The following PRKAR1B variants were observed in gnomAD, a reference collection of about 807,000 sequenced individuals.
The protein encoded by PRKAR1B is protein kinase cAMP-dependent type I regulatory subunit beta, also known as cAMP-dependent protein kinase type I-beta regulatory subunit.
In PRKAR1B, 22 loss-of-function variants were observed where a neutral mutation model predicts 46.5. That is an observed-to-expected ratio of 0.47 (90% CI 0.34 to 0.68). The LOEUF (loss-of-function observed/expected upper bound fraction) is 0.68, where lower values mean the gene tolerates loss of function less well. PRKAR1B is among the 30% of genes least tolerant of loss of function. The pLI is 0.01. For missense variants in PRKAR1B, 445 were observed against 535.6 expected, an observed-to-expected ratio of 0.83 and a Z score of 1.67; for synonymous variants, 259 against 217.7, an observed-to-expected ratio of 1.19 and a Z score of -1.67.
chr7:591,143 G>C (rs78511725), intron 7 of PRKAR1B, among the ~76,000 whole-genome samples: 19,430 of 152,340 alleles, frequency 0.13, 1,521 homozygotes, highest in Non-Finnish European at 0.15. Flanking sequence ...CTCTCGCGGC[G>C]GGGTGACAGC....
chr7:551,502 A>T (rs753782847), intron 9 of PRKAR1B, 32 bp from the exon 10 acceptor site: 22 of 1,536,458 alleles, frequency 1.4e-5, no homozygotes, highest in Non-Finnish European at 4.4e-6. Context: ...CGTGAGTGCC[A>T]GCCAGGCGGG....
intron 9 of PRKAR1B, among the ~76,000 whole-genome samples, chr7:562,363 G>C (rs1049403639): frequency 4.3e-4 from 66 of 152,128 alleles, no homozygotes; most frequent in African/African-American, 1.5e-3. Flanking sequence ...TCCCAGTGAG[G>C]GCCCTGTCGC....
chr7:593,612 G>A lies in PRKAR1B; in HGVS notation c.708+2534C>T, dbSNP rs555691698. 4.4e-4 allele frequency among the ~76,000 whole-genome samples: 67 copies of A among 152,294 alleles called. No homozygotes were observed. Among genetic ancestry groups the A allele is most frequent in the African/African-American group, 1.3e-3 (54 of 41,574 alleles). On this transcript the variant is annotated intron_variant, in intron 7 of 10. Transcript: ENST00000537384. The surrounding 1 kb of genome is among the most constrained non-coding windows in gnomAD (Gnocchi z 6.1). ...GGTGCGCCCAGAGGAGATGGGAACCGCTGTGCCCTCTTCCTGCCCCAAAAC... is the reference window on the plus strand; with the variant it reads ...GGTGCGCCCAGAGGAGATGGGAACCACTGTGCCCTCTTCCTGCCCCAAAAC...
chr7:726,608 G>A (rs1052174490), intron 1 of PRKAR1B: 7 of 824,178 alleles, frequency 8.5e-6, no homozygotes, highest in East Asian at 3.5e-5. Flanking sequence ...GCGCACCGGC[G>A]GGGAGGAAGT....
intron 6 of PRKAR1B, among the ~76,000 whole-genome samples, chr7:604,062 G>GTC (rs916988672): frequency 6.6e-6 from 1 of 152,192 alleles, no homozygotes; most frequent in African/African-American, 2.4e-5. Context: ...GGCTGCCAGG[G>GTC]TCTCTCTGGG....
chr7:607,537 T>G, intron 4 of PRKAR1B, 85 bp from the exon 5 acceptor site: 5 of 1,183,574 alleles, frequency 4.2e-6, no homozygotes, highest in Non-Finnish European at 6.3e-6. Flanking sequence ...CAGTCTTGTG[T>G]AAATCGCTTC....
chr7:726,168 CGAGT>C (rs1239538619), intron 1 of PRKAR1B, among the ~76,000 whole-genome samples: 4 of 152,218 alleles, frequency 2.6e-5, no homozygotes, highest in African/African-American at 9.7e-5. Flanking sequence ...ACCTGGGCAG[CGAGT>C]AAGGCGAACC....
intron 9 of PRKAR1B, among the ~76,000 whole-genome samples, chr7:571,630 T>A (rs1389794529): frequency 6.6e-6 from 1 of 152,150 alleles, no homozygotes. Flanking sequence ...GCTGGGGAAT[T>A]TCGGTCTCGG....
chr7:642,897 G>A (rs1354319981), intron 4 of PRKAR1B, among the ~76,000 whole-genome samples: 1 of 151,384 alleles, frequency 6.6e-6, no homozygotes, highest in Admixed American at 6.6e-5. Context: ...TCTGTCCTGG[G>A]TTCAAATCCC....
At chr7:632,072 C>G (rs1036832770) in intron 4 of PRKAR1B, among the ~76,000 whole-genome samples, 2 of 152,138 alleles carry the variant, frequency 1.3e-5, no homozygotes, top group East Asian at 1.9e-4. Context: ...CCAGGAAGAC[C>G]GAGCTCACGT....
chr7:682,317 G>A (rs1485680239), intron 2 of PRKAR1B, among the ~76,000 whole-genome samples: 5 of 152,174 alleles, frequency 3.3e-5, no homozygotes, highest in Non-Finnish European at 5.9e-5. Context: ...GGCCAAGTGC[G>A]GTGGCTTCAG....
chr7:650,930 A>G (rs1219997269), intron 4 of PRKAR1B, among the ~76,000 whole-genome samples: 1 of 152,146 alleles, frequency 6.6e-6, no homozygotes, highest in Non-Finnish European at 1.5e-5. Context: ...CCGGCCACCG[A>G]GAGCCCTGAC....
intron 9 of PRKAR1B, among the ~76,000 whole-genome samples, chr7:572,391 C>T (rs537337383): frequency 1.8e-4 from 27 of 152,328 alleles, no homozygotes; most frequent in African/African-American, 6.5e-4. Flanking sequence ...GGAAAAGCAG[C>T]CTCCACCCAG....
intron 2 of PRKAR1B, among the ~76,000 whole-genome samples, chr7:707,552 A>C (rs1260970024): frequency 9.4e-6 from 1 of 106,910 alleles, no homozygotes; most frequent in African/African-American, 3.3e-5. Context: ...CTGGAGTCCT[A>C]ACCTCAGAAC....
At chr7:586,631 A>G (rs28415285) in intron 7 of PRKAR1B, among the ~76,000 whole-genome samples, 34,277 of 152,198 alleles carry the variant, frequency 0.23, 4,797 homozygotes, top group South Asian at 0.41. Flanking sequence ...CCCACAGGAA[A>G]TGGAACAAAT....
intron 7 of PRKAR1B, among the ~76,000 whole-genome samples, chr7:586,354 G>A (rs1162711510): frequency 6.6e-6 from 1 of 151,874 alleles, no homozygotes; most frequent in Non-Finnish European, 1.5e-5. Context: ...CGATGAATAG[G>A]GCTGACGGAT....
At chr7:558,856 C>T (rs1206863092) in intron 9 of PRKAR1B, among the ~76,000 whole-genome samples, 6 of 152,230 alleles carry the variant, frequency 3.9e-5, no homozygotes, top group Non-Finnish European at 5.9e-5. Flanking sequence ...CTCCCTTGCC[C>T]GGCCGTGAGC....
At chr7:583,389 TCA>T (rs1412040868) in intron 8 of PRKAR1B, among the ~76,000 whole-genome samples, 5 of 54,528 alleles carry the variant, frequency 9.2e-5, no homozygotes, top group Middle Eastern at 0.019. Flanking sequence ...ATGTGCACAC[TCA>T]CACCCCCCAC....
intron 4 of PRKAR1B, among the ~76,000 whole-genome samples, chr7:610,756 G>T (rs1352791026): frequency 6.6e-6 from 1 of 152,122 alleles, no homozygotes; most frequent in Non-Finnish European, 1.5e-5. Context: ...GCATTAAAAG[G>T]CCCTGGCCTC....
Sources: allele counts gnomAD v4.1 joint callset (sites outside exome capture counted in the v4.1 genomes callset), GRCh38; gene constraint gnomAD v4.1.1; non-coding constraint Gnocchi (gnomAD v3.1); transcripts MANE v1.5; gene names NCBI Gene and HGNC (gene_info 2026-07-23, HGNC 2026-07-21).